The following PPM1D variants were observed in gnomAD, a reference collection of about 807,000 sequenced individuals.
The protein encoded by PPM1D is protein phosphatase, Mg2+/Mn2+ dependent 1D.
Under a neutral mutation model 58.3 loss-of-function variants are expected in PPM1D, and 52 were observed. The ratio of observed to expected loss-of-function variants is 0.89; its 90% CI spans 0.71 to 1.12. The LOEUF (loss-of-function observed/expected upper bound fraction) is 1.12. PPM1D is among the 50% of genes most tolerant of loss of function. The pLI, the probability that PPM1D is intolerant of heterozygous loss-of-function variation, is 0.00. For missense variants in PPM1D, 564 were observed against 777.2 expected, an observed-to-expected ratio of 0.73 and a Z score of 3.26; for synonymous variants, 278 against 285.1, an observed-to-expected ratio of 0.98 and a Z score of 0.25.
chr17:60,648,126 T>A, intron 4 of PPM1D, 44 bp downstream of exon 4: 1 of 1,556,724 alleles, frequency 6.4e-7, no homozygotes, highest in East Asian at 2.3e-5. Context: ...CTAAACATTG[T>A]TTTGGTACTT....
chr17:60,622,059 A>G (rs547908097), intron 1 of PPM1D, among the ~76,000 whole-genome samples: 30 of 151,088 alleles, frequency 2.0e-4, no homozygotes, highest in Non-Finnish European at 3.7e-4. Flanking sequence ...GTGTGGTGGC[A>G]GGCGCCTGTA....
rs527944410 is a variant in PPM1D, at chr17:60,620,877, T to C, written c.473-2644T>C. ...AGACCAACGTCGAGATTTTTCCTTA[T>C]GTTTTTTTTCTAGGAGTTTTGTGCT... is the stretch of plus-strand genomic sequence containing the variant. On this transcript the variant is annotated intron_variant, in intron 1 of 5. Transcript: ENST00000305921. Among the ~76,000 whole-genome samples, 5 of 152,272 alleles carry C rather than the reference T, an allele frequency of 3.3e-5. No individual in the cohort carries two copies. In the South Asian group the frequency reaches 6.2e-4, roughly 19 times the overall value.
Position 60,663,112 on chromosome 17 carries a change from A to C in PPM1D, c.1378A>C (p.Asn460His), listed in dbSNP as rs1206711487. The change falls in exon 6 of 6, where the codon AAT (asparagine) becomes CAT (histidine). Residue 460 changes from asparagine to histidine, a missense_variant. By Grantham distance (68) the Asn-to-His change is moderately conservative. Around this residue, in one of 7 missense-constraint regions of PPM1D, gnomAD observed 261 missense variants for 270.1 expected, o/e 0.97. Coordinates refer to ENST00000305921, the MANE Select transcript of PPM1D (RefSeq NM_003620.4). The part of the protein sequence containing the change: ...LEVSAEIARE[N>H]VQGVVIPSKD... ...GGTTTCAGCTGAGATAGCTCGAGAGAATGTCCAAGGTGTAGTCATACCCTC... is the reference window on the plus strand; with the variant it reads ...GGTTTCAGCTGAGATAGCTCGAGAGCATGTCCAAGGTGTAGTCATACCCTC... 2 of 1,614,060 alleles carry C rather than the reference A, an allele frequency of 1.2e-6. No individual in the cohort carries two copies. Among genetic ancestry groups the C allele is most frequent in the East Asian group, 4.5e-5 (2 of 44,898 alleles).
intron 5 of PPM1D, among the ~76,000 whole-genome samples, chr17:60,659,151 C>T (rs1226508213): frequency 6.6e-6 from 1 of 152,140 alleles, no homozygotes; most frequent in African/African-American, 2.4e-5. Context: ...TAACAAAAGA[C>T]AGATTTCTGC....
intron 1 of PPM1D, among the ~76,000 whole-genome samples, chr17:60,601,242 G>GC (rs1243493001): frequency 1.3e-5 from 2 of 152,166 alleles, no homozygotes; most frequent in Non-Finnish European, 2.9e-5. Flanking sequence ...TTGCACCTGG[G>GC]CCAGGCGAAG....
intron 4 of PPM1D, among the ~76,000 whole-genome samples, chr17:60,652,550 GTTTTTTTTTTTTT>G (rs776162517): frequency 4.4e-5 from 3 of 67,628 alleles, no homozygotes; most frequent in Non-Finnish European, 8.1e-5. Flanking sequence ...GTTTACTTCT[GTTTTTTTTTTTTT>G]TTTTTTTTTT....
chr17:60,647,804 A>G, intron 3 of PPM1D, 88 bp from the exon 4 acceptor site: 3 of 1,284,346 alleles, frequency 2.3e-6, no homozygotes, highest in South Asian at 1.3e-5. Flanking sequence ...ATTGAGATGA[A>G]CTGTGTAGAT....
At chr17:60,653,352 G>C (rs559828337) in intron 4 of PPM1D, among the ~76,000 whole-genome samples, 1 of 152,124 alleles carries the variant, frequency 6.6e-6, no homozygotes, top group South Asian at 2.1e-4. Flanking sequence ...TGCAAATTGC[G>C]TGGATTTATA....
chr17:60,617,487 T>C (rs780653880), intron 1 of PPM1D, among the ~76,000 whole-genome samples: 23 of 151,238 alleles, frequency 1.5e-4, no homozygotes, highest in Non-Finnish European at 2.5e-4. Context: ...GGTTGTAGTA[T>C]GTGATGATCA....
chr17:60,645,110 T>C (rs1233426409), intron 3 of PPM1D, among the ~76,000 whole-genome samples: 1 of 152,110 alleles, frequency 6.6e-6, no homozygotes, highest in Non-Finnish European at 1.5e-5. Context: ...TCCTAGCACT[T>C]TGGGAAGCCT....
At chr17:60,648,749 C>T in intron 4 of PPM1D, among the ~76,000 whole-genome samples, 1 of 150,318 alleles carries the variant, frequency 6.7e-6, no homozygotes, top group Non-Finnish European at 1.5e-5. Flanking sequence ...ACAACCATCA[C>T]CACTACTACT....
chr17:60,636,859 G>A (rs1321552776), intron 3 of PPM1D, among the ~76,000 whole-genome samples: 1 of 151,754 alleles, frequency 6.6e-6, no homozygotes, highest in Non-Finnish European at 1.5e-5. Flanking sequence ...AAAATTTTTT[G>A]TAGAGACGTC....
intron 1 of PPM1D, among the ~76,000 whole-genome samples, chr17:60,603,582 G>A (rs2030266618): frequency 6.6e-6 from 1 of 152,170 alleles, no homozygotes; most frequent in African/African-American, 2.4e-5. Flanking sequence ...GGCCAACATG[G>A]TGAAACCTTG....
At position 60,623,717 on chromosome 17, in the gene PPM1D, G is replaced by A. The variant is rs2143655427; in HGVS notation, c.669G>A (p.Lys223=). 6.2e-7 allele frequency: 1 copy of A among 1,614,116 alleles called. No homozygotes were observed. The highest frequency in any genetic ancestry group is 8.5e-7 in the Non-Finnish European group (1 of 1,180,010). ...VTQDHKPELP[K]ERERIEGLGG... is the part of the protein sequence containing the mutation. ...AGGACCATAAGCCAGAACTTCCCAA[G>A]GAAAGAGAACGAATCGAAGGACTTG... The change falls in exon 2 of 6, where the codon AAG becomes AAA. Residue 223 remains lysine, a synonymous_variant. Coordinates refer to ENST00000305921, the MANE Select transcript of PPM1D (RefSeq NM_003620.4).
intron 4 of PPM1D, among the ~76,000 whole-genome samples, chr17:60,652,553 T>TG (rs1257268692): frequency 1.5e-5 from 2 of 134,598 alleles, no homozygotes; most frequent in Non-Finnish European, 3.2e-5. Flanking sequence ...TACTTCTGTT[T>TG]TTTTTTTTTT....
At chr17:60,641,278 T>G (rs1467501983) in intron 3 of PPM1D, among the ~76,000 whole-genome samples, 2 of 152,228 alleles carry the variant, frequency 1.3e-5, no homozygotes, top group Admixed American at 6.5e-5. Flanking sequence ...GGCTTTTTAA[T>G]AATAGTCATT....
chr17:60,624,813 T>C (rs1015267054), intron 2 of PPM1D, among the ~76,000 whole-genome samples: 12 of 150,550 alleles, frequency 8.0e-5, no homozygotes, highest in Non-Finnish European at 1.2e-4. Context: ...TTAGCATCCT[T>C]AAACTATAAG....
At chr17:60,624,605 G>A (rs531776998) in intron 2 of PPM1D, among the ~76,000 whole-genome samples, 5 of 151,976 alleles carry the variant, frequency 3.3e-5, no homozygotes, top group Non-Finnish European at 7.4e-5. Flanking sequence ...TGACCAACAT[G>A]GAGAAACCCC....
chr17:60,621,705 C>G (rs570713952), intron 1 of PPM1D, among the ~76,000 whole-genome samples: 2 of 150,916 alleles, frequency 1.3e-5, no homozygotes, highest in South Asian at 4.2e-4. Context: ...TCCAGAGTAG[C>G]TGGGACTACG....
Sources: gnomAD v4.1 joint callset for allele counts (sites outside exome capture counted in the v4.1 genomes callset) on GRCh38, gnomAD v4.1.1 for gene constraint, gnomAD v4.1.1 regional missense constraint, MANE v1.5 for transcripts, NCBI Gene and HGNC (gene_info 2026-07-23, HGNC 2026-07-21) for gene names.